MCC: variants seen among roughly 807,000 people sequenced by gnomAD.
MCC encodes colorectal mutant cancer protein.
MCC carries 90 observed loss-of-function variants against 116.2 expected under a neutral mutation model. The ratio of observed to expected loss-of-function variants is 0.77; its 90% confidence interval spans 0.65 to 0.92. The LOEUF (loss-of-function observed/expected upper bound fraction) is 0.92, where lower values mean the gene tolerates loss of function less well. Ranked by LOEUF, MCC falls within the 40% of genes least tolerant of loss-of-function variation. The pLI is 0.00. For missense variants in MCC, 1,516 were observed against 1,312.2 expected, an observed-to-expected ratio of 1.16 and a Z score of -2.40; for synonymous variants, 578 against 510.5, an observed-to-expected ratio of 1.13 and a Z score of -1.78.
intron 3 of MCC, among the ~76,000 whole-genome samples, chr5:113,179,902 T>C (rs1366459029): frequency 6.6e-6 from 1 of 152,202 alleles, no homozygotes; most frequent in African/African-American, 2.4e-5. Flanking sequence ...CTGCTATGGG[T>C]ATTGCAGGAA....
chr5:113,227,922 A>G (rs1314766190), intron 3 of MCC, among the ~76,000 whole-genome samples: 1 of 152,218 alleles, frequency 6.6e-6, no homozygotes, highest in Non-Finnish European at 1.5e-5. Flanking sequence ...CTGATCTTTC[A>G]TTCTTGGACC....
chr5:113,239,018 TG>T (rs1184409415), intron 3 of MCC, among the ~76,000 whole-genome samples: 2 of 152,242 alleles, frequency 1.3e-5, no homozygotes, highest in Admixed American at 6.5e-5. Flanking sequence ...TTCATGCATA[TG>T]TTTTTTTTCA....
At chr5:113,311,235 C>T (rs2150368087) in intron 3 of MCC, among the ~76,000 whole-genome samples, 1 of 152,328 alleles carries the variant, frequency 6.6e-6, no homozygotes, top group Non-Finnish European at 1.5e-5. Flanking sequence ...GTAAACATGT[C>T]CTTTGCCTAT....
intron 3 of MCC, among the ~76,000 whole-genome samples, chr5:113,275,037 C>G (rs1043459613): frequency 1.3e-5 from 2 of 152,174 alleles, no homozygotes; most frequent in Admixed American, 1.3e-4. Flanking sequence ...TTCACTCACA[C>G]AGCTTGTGGC....
intron 3 of MCC, among the ~76,000 whole-genome samples, chr5:113,330,099 T>G (rs1314308069): frequency 6.6e-6 from 1 of 152,124 alleles, no homozygotes; most frequent in Non-Finnish European, 1.5e-5. Context: ...AATAGCTGAG[T>G]CTCAGTCAAT....
At chr5:113,231,709 G>T (rs1230233844) in intron 3 of MCC, among the ~76,000 whole-genome samples, 1 of 152,122 alleles carries the variant, frequency 6.6e-6, no homozygotes, top group African/African-American at 2.4e-5. Flanking sequence ...TAAGATAGTC[G>T]TGATTACCAA....
intron 5 of MCC, among the ~76,000 whole-genome samples, chr5:113,141,928 C>T (rs1238726975): frequency 6.6e-6 from 1 of 152,182 alleles, no homozygotes. Flanking sequence ...TTGCCAGTGT[C>T]CTATGCCAGG....
intron 3 of MCC, among the ~76,000 whole-genome samples, chr5:113,302,069 T>C (rs1286397389): frequency 2.6e-5 from 4 of 152,224 alleles, no homozygotes; most frequent in Non-Finnish European, 5.9e-5. Flanking sequence ...TGCTAATAAA[T>C]TAAGAATTGA....
intron 2 of MCC, among the ~76,000 whole-genome samples, chr5:113,370,181 G>T (rs1768802780): frequency 6.6e-6 from 1 of 152,164 alleles, no homozygotes; most frequent in Non-Finnish European, 1.5e-5. Context: ...CACAATGGAT[G>T]ACGTAGCAGA....
chr5:113,338,009 G>C (rs1048760692), intron 3 of MCC, among the ~76,000 whole-genome samples: 1 of 152,200 alleles, frequency 6.6e-6, no homozygotes, highest in African/African-American at 2.4e-5. Flanking sequence ...AAGGACTCTA[G>C]AGTTGCATGA....
chr5:113,075,007 G>C (rs79568072), intron 11 of MCC, among the ~76,000 whole-genome samples: 5,373 of 152,322 alleles, frequency 0.035, 130 homozygotes, highest in East Asian at 0.087. Context: ...CCCCTCTCTG[G>C]GGTGGCTGAG....
At chr5:113,420,658 A>C (rs1327178779) in intron 1 of MCC, among the ~76,000 whole-genome samples, 1 of 152,222 alleles carries the variant, frequency 6.6e-6, no homozygotes, top group Non-Finnish European at 1.5e-5. Flanking sequence ...AATAGGAAGA[A>C]GTATTATTCT....
chr5:113,065,053 T>A (rs1251944344), intron 13 of MCC, among the ~76,000 whole-genome samples: 1 of 151,866 alleles, frequency 6.6e-6, no homozygotes, highest in African/African-American at 2.4e-5. Flanking sequence ...GGGGGAGGAA[T>A]GAATAGGTGG....
chr5:113,138,524 C>G (rs966094683), intron 5 of MCC, among the ~76,000 whole-genome samples: 4 of 152,104 alleles, frequency 2.6e-5, no homozygotes, highest in African/African-American at 9.7e-5. Context: ...CATCTGCAAG[C>G]CAGGAACAGA....
At chr5:113,461,634 G>A (rs1771745736) in intron 1 of MCC, among the ~76,000 whole-genome samples, 1 of 151,470 alleles carries the variant, frequency 6.6e-6, no homozygotes, top group South Asian at 2.1e-4. Context: ...TCATGCCACT[G>A]CACTCCAGCC....
chr5:113,485,921 C>T (rs1772511982), intron 1 of MCC, among the ~76,000 whole-genome samples: 1 of 152,194 alleles, frequency 6.6e-6, no homozygotes, highest in South Asian at 2.1e-4. Flanking sequence ...TCTGATAGAA[C>T]AGGAATGCAC....
chr5:113,248,832 CTTT>C (rs1269527611), intron 3 of MCC, among the ~76,000 whole-genome samples: 3 of 138,204 alleles, frequency 2.2e-5, no homozygotes, highest in Admixed American at 7.8e-5. Flanking sequence ...TCTCTCTCTT[CTTT>C]TTTTTTTTTT....
intron 3 of MCC, among the ~76,000 whole-genome samples, chr5:113,239,518 C>T (rs1041998130): frequency 2.0e-5 from 3 of 152,100 alleles, no homozygotes; most frequent in Admixed American, 6.6e-5. Flanking sequence ...TTCAGTCACA[C>T]ACTTGCTGAA....
At chr5:113,040,101 C>T (rs1751598049) in intron 17 of MCC, among the ~76,000 whole-genome samples, 1 of 151,692 alleles carries the variant, frequency 6.6e-6, no homozygotes, top group East Asian at 1.9e-4. Flanking sequence ...GGCAATACCA[C>T]AGCCAACAAA....
Sources: allele counts gnomAD v4.1 joint callset (sites outside exome capture counted in the v4.1 genomes callset), GRCh38; gene constraint gnomAD v4.1.1; transcripts MANE v1.5; gene names NCBI Gene and HGNC (gene_info 2026-07-23, HGNC 2026-07-21).